PALMD: variants seen among roughly 807,000 people sequenced by gnomAD.
The protein encoded by PALMD is palmdelphin.
PALMD carries 42 observed loss-of-function variants against 56.2 expected under a neutral mutation model. The ratio of observed to expected loss-of-function variants is 0.75; its 90% confidence interval spans 0.58 to 0.97. The LOEUF is 0.97. Among genes scored for constraint, PALMD ranks in the 50% least tolerant of loss-of-function variants. PALMD has a pLI of 0.00. For synonymous variants in PALMD, 242 were observed against 222.9 expected (o/e 1.09, Z -0.76); for missense variants, 660 against 643.8 (o/e 1.03, Z -0.27).
intron 3 of PALMD, among the ~76,000 whole-genome samples, chr1:99,674,174 C>T (rs7524870): frequency 0.14 from 22,018 of 151,978 alleles, 1,658 homozygotes; most frequent in South Asian, 0.2. Context: ...TTCCTTATCC[C>T]GACCTTTCAG....
chr1:99,674,823 C>T (rs892386799), intron 3 of PALMD, among the ~76,000 whole-genome samples: 3 of 152,180 alleles, frequency 2.0e-5, no homozygotes, highest in African/African-American at 7.2e-5. Flanking sequence ...GAATTAGTTT[C>T]AGTGACCCGT....
intron 3 of PALMD, among the ~76,000 whole-genome samples, chr1:99,673,757 G>A (rs1653140681): frequency 6.6e-6 from 1 of 152,064 alleles, no homozygotes; most frequent in Non-Finnish European, 1.5e-5. Flanking sequence ...GCAAAAAAGG[G>A]AAGAAGTCTA....
At chr1:99,691,802 T>A (rs190455325) in intron 7 of PALMD, among the ~76,000 whole-genome samples, 1 of 152,300 alleles carries the variant, frequency 6.6e-6, no homozygotes, top group East Asian at 1.9e-4. Flanking sequence ...AAATCCCCTA[T>A]TTAATATAAA....
At chr1:99,653,402 T>C (rs1652640363) in intron 1 of PALMD, among the ~76,000 whole-genome samples, 1 of 151,996 alleles carries the variant, frequency 6.6e-6, no homozygotes, top group South Asian at 2.1e-4. Flanking sequence ...CAAGATAGGG[T>C]AGACAAAGGA....
intron 3 of PALMD, among the ~76,000 whole-genome samples, chr1:99,681,135 GTATGTA>G (rs771795470): frequency 0.036 from 4,268 of 119,900 alleles, 90 homozygotes; most frequent in Admixed American, 0.081. Context: ...GTGTGTGTGT[GTATGTA>G]TATATATATA....
At chr1:99,676,161 T>A (rs948199707) in intron 3 of PALMD, among the ~76,000 whole-genome samples, 1 of 152,184 alleles carries the variant, frequency 6.6e-6, no homozygotes, top group African/African-American at 2.4e-5. Flanking sequence ...AACTTAGTGT[T>A]TGCTGTATGC....
chr1:99,652,659 A>AGAAAGGAAAGGAAG (rs1652615305), intron 1 of PALMD, among the ~76,000 whole-genome samples: 16 of 122,304 alleles, frequency 1.3e-4, no homozygotes, highest in African/African-American at 5.1e-4. Flanking sequence ...AAGAAAGAAA[A>AGAAAGGAAAGGAAG]GAAAGGAAAG....
intron 1 of PALMD, among the ~76,000 whole-genome samples, chr1:99,646,589 A>G (rs1459618331): frequency 6.6e-6 from 1 of 152,232 alleles, no homozygotes; most frequent in Non-Finnish European, 1.5e-5. Context: ...CTGTGCCTGC[A>G]TTTTAAACAA....
chr1:99,663,270 T>C (rs1225585550), intron 2 of PALMD, among the ~76,000 whole-genome samples: 1 of 152,208 alleles, frequency 6.6e-6, no homozygotes, highest in Non-Finnish European at 1.5e-5. Context: ...CTCTGGATTC[T>C]GTTTGCTTCT....
intron 1 of PALMD, among the ~76,000 whole-genome samples, chr1:99,660,974 A>T (rs1395619203): frequency 6.6e-6 from 1 of 152,230 alleles, no homozygotes; most frequent in Non-Finnish European, 1.5e-5. Flanking sequence ...GGAGAGCAAT[A>T]TGTTGCTTTT....
chr1:99,658,500 G>A (rs536635706), intron 1 of PALMD, among the ~76,000 whole-genome samples: 23 of 151,420 alleles, frequency 1.5e-4, no homozygotes, highest in Admixed American at 5.3e-4. Context: ...GGCCGGGCAC[G>A]GTGGCTCATG....
chr1:99,688,174 C>T (rs1557675475), intron 6 of PALMD, among the ~76,000 whole-genome samples: 1 of 151,994 alleles, frequency 6.6e-6, no homozygotes. Flanking sequence ...AAACATAAGG[C>T]AGAAAGAGAA....
Position 99,689,023 on chromosome 1 carries a change from A to G in PALMD, c.763A>G (p.Thr255Ala), listed in dbSNP as rs759216352. 5 of 1,613,758 alleles carry G rather than the reference A, an allele frequency of 3.1e-6. No homozygotes were observed. The African/African-American group carries it at 4.0e-5, about 13-fold the overall frequency. Residue 255 changes from threonine to alanine, a missense_variant, in exon 7 of 8, where the codon ACA (threonine) becomes GCA (alanine). Thr to Ala is a moderately conservative substitution (Grantham distance 58, BLOSUM62 0). Transcript: ENST00000263174. ...CTCAGAGAGAAACTCTAAATCCCCAACAGAGTATCATGAGCCTGTATATGC... is the reference window on the plus strand; with the variant it reads ...CTCAGAGAGAAACTCTAAATCCCCAGCAGAGTATCATGAGCCTGTATATGC... ...QASERNSKSP[T>A]EYHEPVYANP... is the part of the protein sequence containing the mutation.
rs200785425 is a variant in PALMD at position 99,683,054 on chromosome 1, A to G, written c.252-3622A>G. Among the ~76,000 whole-genome samples the G allele has an allele frequency of 7.6e-3, 199 of 26,244 alleles. 3 individuals carry two copies. Among genetic ancestry groups the G allele is most frequent in the South Asian group, 0.013 (9 of 706 alleles). 17.2% of individuals were successfully genotyped at this position (26,244 alleles called of 152,430 possible). ...AAAGAAAGAAAGAAAGAAAGAAAGA[A>G]AGAGAGAGAGAGAGAGAGAGAGAGA... On this transcript the variant is annotated intron_variant, in intron 3 of 7. Coordinates refer to ENST00000263174, the MANE Select transcript of PALMD (RefSeq NM_017734.5).
intron 1 of PALMD, among the ~76,000 whole-genome samples, chr1:99,653,393 A>T (rs1487557461): frequency 6.6e-6 from 1 of 152,172 alleles, no homozygotes; most frequent in African/African-American, 2.4e-5. Flanking sequence ...TAGAACAAAC[A>T]AGATAGGGTA....
intron 3 of PALMD, 148 bp downstream of exon 3, chr1:99,667,914 T>C (rs1653003936): frequency 1.4e-6 from 1 of 689,914 alleles, no homozygotes; most frequent in Admixed American, 2.7e-5. Context: ...GCTTTCACAC[T>C]GTCACCCAGG....
rs141465622 is a variant in PALMD at position 99,661,929 on chromosome 1, C to T, written c.46-390C>T. ...CATAAGGAGTCCTTTCACCCAGAGGCTTCTTCAACCTTGGACCAGGATCAG... is the reference window on the plus strand; with the variant it reads ...CATAAGGAGTCCTTTCACCCAGAGGTTTCTTCAACCTTGGACCAGGATCAG... On this transcript the variant is annotated intron_variant, in intron 1 of 7. Coordinates refer to ENST00000263174, the MANE Select transcript of PALMD (RefSeq NM_017734.5). Among the ~76,000 whole-genome samples, 123 of 152,310 alleles carry T rather than the reference C, an allele frequency of 8.1e-4. No individual in the cohort carries two copies. In the East Asian group the frequency reaches 0.022, roughly 27 times the overall value.
At chr1:99,649,362 C>A (rs940170355) in intron 1 of PALMD, among the ~76,000 whole-genome samples, 8 of 152,258 alleles carry the variant, frequency 5.3e-5, no homozygotes, top group Admixed American at 4.6e-4. Context: ...GATCTTTCTA[C>A]AAAAGGTGAG....
intron 7 of PALMD, among the ~76,000 whole-genome samples, chr1:99,690,691 C>T (rs920049658): frequency 6.6e-6 from 1 of 152,032 alleles, no homozygotes; most frequent in Admixed American, 6.6e-5. Flanking sequence ...CTAACAAAAT[C>T]AGTTATAATA....
Sources: allele counts gnomAD v4.1 joint callset (sites outside exome capture counted in the v4.1 genomes callset), GRCh38; gene constraint gnomAD v4.1.1; transcripts MANE v1.5; gene names NCBI Gene and HGNC (gene_info 2026-07-23, HGNC 2026-07-21).